Variants in STPG4 observed in about 807,000 individuals in gnomAD.
The protein encoded by STPG4 is sperm-tail PG-rich repeat containing 4, also known as protein STPG4.
STPG4 carries 41 observed loss-of-function variants against 31.5 expected under a neutral mutation model. That is an observed-to-expected ratio of 1.30 (90% CI 1.01 to 1.69). The LOEUF (loss-of-function observed/expected upper bound fraction) is 1.69. STPG4 is among the 40% of genes most tolerant of loss of function. The probability of loss-of-function intolerance (pLI) is 0.00; values close to 1 mark genes in which losing one functional copy is unlikely to be tolerated. For synonymous variants in STPG4, 141 were observed against 103.0 expected, an observed-to-expected ratio of 1.37 and a Z score of -2.24; for missense variants, 375 against 293.4, an observed-to-expected ratio of 1.28 and a Z score of -2.03.
At chr2:47,094,987 G>A (rs1685641393) in intron 5 of STPG4, among the ~76,000 whole-genome samples, 1 of 152,194 alleles carries the variant, frequency 6.6e-6, no homozygotes, top group Non-Finnish European at 1.5e-5. Flanking sequence ...CTGGAGTGAA[G>A]ACGTGTATCA....
Position 47,111,754 on chromosome 2 carries a change from A to G in STPG4, c.519+18187T>C, listed in dbSNP as rs189487197. ...AAAGGCACATGTAGATACTCTCCTC[A>G]CAGACTTTCCTATGGACAAAAAAAT... On this transcript the variant is annotated intron_variant, in intron 5 of 6. Coordinates refer to ENST00000445927, the MANE Select transcript of STPG4 (RefSeq NM_001163561.2). Among the ~76,000 whole-genome samples, 212 of 152,288 alleles carry G rather than the reference A, an allele frequency of 1.4e-3. 1 individual carries two copies. The highest frequency in any genetic ancestry group is 1.8e-3 in the Non-Finnish European group (124 of 68,028).
chr2:47,101,425 G>C (rs1028444508), intron 5 of STPG4, among the ~76,000 whole-genome samples: 1 of 151,756 alleles, frequency 6.6e-6, no homozygotes, highest in Non-Finnish European at 1.5e-5. Context: ...ACCCAAGCGA[G>C]ACTCACCCAT....
intron 5 of STPG4, among the ~76,000 whole-genome samples, chr2:47,114,987 C>T (rs1403211977): frequency 1.3e-5 from 2 of 152,008 alleles, no homozygotes; most frequent in African/African-American, 4.8e-5. Flanking sequence ...AGGCTGGTCT[C>T]GAACTCCTGA....
At chr2:47,097,995 A>T (rs1486643588) in intron 5 of STPG4, among the ~76,000 whole-genome samples, 1 of 151,676 alleles carries the variant, frequency 6.6e-6, no homozygotes, top group African/African-American at 2.4e-5. Context: ...CCTGAAATTC[A>T]ACTTTCTCAG....
intron 1 of STPG4, among the ~76,000 whole-genome samples, chr2:47,153,478 TG>T (rs1271706323): frequency 6.6e-6 from 1 of 152,214 alleles, no homozygotes; most frequent in Non-Finnish European, 1.5e-5. Context: ...GTATGCCAGA[TG>T]TGGTGGCTCA....
intron 5 of STPG4, among the ~76,000 whole-genome samples, chr2:47,115,716 G>T (rs1419226667): frequency 7.1e-6 from 1 of 141,164 alleles, no homozygotes; most frequent in East Asian, 2.1e-4. Flanking sequence ...GCAATGACGC[G>T]ATCTCGGCTC....
At chr2:47,148,460 A>G (rs760406522) in intron 3 of STPG4, among the ~76,000 whole-genome samples, 1 of 152,174 alleles carries the variant, frequency 6.6e-6, no homozygotes, top group Non-Finnish European at 1.5e-5. Flanking sequence ...AGTCTCTCCA[A>G]TACAGATTCT....
chr2:47,148,701 CT>C (rs1686876521), intron 3 of STPG4, among the ~76,000 whole-genome samples: 7 of 152,102 alleles, frequency 4.6e-5, no homozygotes, highest in Admixed American at 2.6e-4. Flanking sequence ...CCACGACAGG[CT>C]CCTGTGTGTG....
intron 3 of STPG4, among the ~76,000 whole-genome samples, chr2:47,150,553 T>A (rs965944564): frequency 3.3e-5 from 5 of 151,974 alleles, no homozygotes; most frequent in Non-Finnish European, 7.4e-5. Flanking sequence ...TGTCACTCTG[T>A]CACCCAGGCT....
intron 3 of STPG4, among the ~76,000 whole-genome samples, chr2:47,130,662 A>G (rs1277482601): frequency 6.6e-6 from 1 of 151,844 alleles, no homozygotes; most frequent in Non-Finnish European, 1.5e-5. Flanking sequence ...TTAGAGGTGC[A>G]CACCACCACG....
chr2:47,111,675 A>G (rs981960843), intron 5 of STPG4, among the ~76,000 whole-genome samples: 2 of 152,174 alleles, frequency 1.3e-5, no homozygotes, highest in Non-Finnish European at 2.9e-5. Context: ...TGTGGGTAAA[A>G]AAAAAATGGC....
At chr2:47,113,831 A>C (rs919852473) in intron 5 of STPG4, among the ~76,000 whole-genome samples, 3 of 151,812 alleles carry the variant, frequency 2.0e-5, no homozygotes, top group African/African-American at 4.8e-5. Flanking sequence ...TCAAGAGATC[A>C]AGACCATCCT....
At chr2:47,102,769 G>A (rs1685826812) in intron 5 of STPG4, among the ~76,000 whole-genome samples, 1 of 151,804 alleles carries the variant, frequency 6.6e-6, no homozygotes, top group African/African-American at 2.4e-5. Flanking sequence ...TCAAGCTGTA[G>A]GGGGAGGGGA....
intron 3 of STPG4, among the ~76,000 whole-genome samples, chr2:47,149,867 C>T (rs1686901822): frequency 1.3e-5 from 2 of 152,226 alleles, no homozygotes; most frequent in Admixed American, 6.5e-5. Flanking sequence ...CTGCCACTTC[C>T]ATGCCTTCAA....
chr2:47,093,166 C>G (rs1373320825), intron 5 of STPG4, among the ~76,000 whole-genome samples: 1 of 152,194 alleles, frequency 6.6e-6, no homozygotes, highest in Non-Finnish European at 1.5e-5. Flanking sequence ...GGCTGCCATT[C>G]TCAATTACTC....
intron 3 of STPG4, among the ~76,000 whole-genome samples, chr2:47,146,615 T>G (rs919235131): frequency 6.7e-6 from 1 of 149,758 alleles, no homozygotes; most frequent in Non-Finnish European, 1.5e-5. Context: ...TCAAGAAAAC[T>G]ATCTAGGTGG....
chr2:47,146,712 C>G (rs955892676), intron 3 of STPG4, among the ~76,000 whole-genome samples: 6 of 151,946 alleles, frequency 3.9e-5, no homozygotes, highest in African/African-American at 7.3e-5. Flanking sequence ...AGAGAATGAG[C>G]AGAGATGGAG....
intron 3 of STPG4, among the ~76,000 whole-genome samples, chr2:47,134,307 T>C (rs756098017): frequency 3.9e-5 from 6 of 152,242 alleles, no homozygotes; most frequent in Non-Finnish European, 7.3e-5. Flanking sequence ...TCCACTATTA[T>C]AGTATCACAG....
intron 5 of STPG4, among the ~76,000 whole-genome samples, chr2:47,106,011 G>A (rs1340037878): frequency 6.6e-6 from 1 of 151,882 alleles, no homozygotes; most frequent in Non-Finnish European, 1.5e-5. Context: ...AGCATAAGCG[G>A]CTGGCAGAGG....
Sources: allele counts gnomAD v4.1 joint callset (sites outside exome capture counted in the v4.1 genomes callset), GRCh38; gene constraint gnomAD v4.1.1; transcripts MANE v1.5; gene names NCBI Gene and HGNC (gene_info 2026-07-23, HGNC 2026-07-21).